Variants in SNX4 observed in about 807,000 individuals in gnomAD.
The protein encoded by SNX4 is sorting nexin 4, also known as sorting nexin-4.
Under a neutral mutation model 70.8 loss-of-function variants are expected in SNX4, and 49 were observed. That is an observed-to-expected ratio of 0.69 (90% confidence interval 0.55 to 0.88). The LOEUF (loss-of-function observed/expected upper bound fraction) is 0.88, where lower values mean the gene tolerates loss of function less well. SNX4 is among the 40% of genes least tolerant of loss of function. The pLI is 0.00. For synonymous variants in SNX4, 206 were observed against 183.8 expected (o/e 1.12, Z -0.98); for missense variants, 528 against 544.8 (o/e 0.97, Z 0.31).
chr3:125,508,577 A>G (rs900372410), intron 1 of SNX4, among the ~76,000 whole-genome samples: 1 of 152,172 alleles, frequency 6.6e-6, no homozygotes, highest in South Asian at 2.1e-4. Context: ...AAAAAAAAAA[A>G]AAAAGAAAAT....
intron 1 of SNX4, among the ~76,000 whole-genome samples, chr3:125,511,246 A>G (rs956303814): frequency 1.3e-5 from 2 of 152,244 alleles, no homozygotes; most frequent in Non-Finnish European, 2.9e-5. Context: ...GAATAAACAC[A>G]TTATAAAAAT....
chr3:125,479,625 C>T (rs1934360237), intron 7 of SNX4, among the ~76,000 whole-genome samples: 1 of 151,928 alleles, frequency 6.6e-6, no homozygotes, highest in African/African-American at 2.4e-5. Context: ...AAAATGTGAC[C>T]TTACCTGGTA....
chr3:125,448,516 ATAAC>A (rs370021542), intron 13 of SNX4, among the ~76,000 whole-genome samples: 1 of 152,140 alleles, frequency 6.6e-6, no homozygotes, highest in African/African-American at 2.4e-5. Context: ...TATCACTCTA[ATAAC>A]TAAAGTTTTG....
intron 6 of SNX4, among the ~76,000 whole-genome samples, chr3:125,481,067 C>G (rs1197097675): frequency 6.6e-6 from 1 of 152,194 alleles, no homozygotes; most frequent in African/African-American, 2.4e-5. Flanking sequence ...TCAATATCCA[C>G]CCCTTTTATA....
chr3:125,490,428 G>T (rs556456156), intron 5 of SNX4, among the ~76,000 whole-genome samples: 7 of 150,158 alleles, frequency 4.7e-5, no homozygotes, highest in East Asian at 4.0e-4. Flanking sequence ...AGAGGCTGAG[G>T]CAGGAGAATG....
rs550483600 is a variant in SNX4, at chr3:125,494,522, C to T, written c.597+2819G>A. On this transcript the variant is annotated intron_variant, in intron 5 of 13. Coordinates refer to ENST00000251775, the MANE Select transcript of SNX4 (RefSeq NM_003794.4). ...GTAAGCATATATGATTATGGTAATA[C>T]TCAGATAAGAAACTGTTTTAGATTC... Among the ~76,000 whole-genome samples, 4 of 152,292 alleles carry T rather than the reference C, an allele frequency of 2.6e-5. No homozygotes were observed. The East Asian group carries it at 5.8e-4, about 22-fold the overall frequency.
intron 11 of SNX4, among the ~76,000 whole-genome samples, chr3:125,454,529 C>T (rs761397158): frequency 2.6e-5 from 4 of 152,114 alleles, no homozygotes; most frequent in Non-Finnish European, 4.4e-5. Context: ...AAAAGGTTGG[C>T]GACTGCTGAT....
At chr3:125,448,669 CTTTTTTTT>C (rs921502028) in intron 13 of SNX4, among the ~76,000 whole-genome samples, 5 of 95,368 alleles carry the variant, frequency 5.2e-5, no homozygotes, top group African/African-American at 8.9e-5. Context: ...GGGTTTTTTC[CTTTTTTTT>C]TTTTTTTTTT....
chr3:125,463,332 G>T (rs373160255), intron 9 of SNX4, among the ~76,000 whole-genome samples: 1 of 152,176 alleles, frequency 6.6e-6, no homozygotes, highest in South Asian at 2.1e-4. Flanking sequence ...CTATGATTCT[G>T]GAAGAGTTAA....
intron 8 of SNX4, among the ~76,000 whole-genome samples, chr3:125,475,690 T>G (rs1383277317): frequency 6.6e-6 from 1 of 152,124 alleles, no homozygotes; most frequent in African/African-American, 2.4e-5. Flanking sequence ...TAATCCGAAG[T>G]AGGGGACCAG....
In SNX4 at chr3:125,493,435, C is replaced by T. The variant is rs1027409458; in HGVS notation, c.597+3906G>A. On this transcript the variant is annotated intron_variant, in intron 5 of 13. Coordinates refer to ENST00000251775, the MANE Select transcript of SNX4 (RefSeq NM_003794.4). ...TTGGGAGGCTGAGGCAGATGGATCA[C>T]GAGGTCAAGAGATCAAGACCATCCT... Among the ~76,000 whole-genome samples the T allele has an allele frequency of 5.6e-4, 85 of 151,654 alleles. 1 individual carries two copies. Among genetic ancestry groups the T allele is most frequent in the South Asian group, 8.3e-4 (4 of 4,798 alleles).
At chr3:125,487,029 G>C (rs150498834) in intron 6 of SNX4, among the ~76,000 whole-genome samples, 3 of 152,136 alleles carry the variant, frequency 2.0e-5, no homozygotes, top group African/African-American at 7.2e-5. Context: ...AGTCTAGTTT[G>C]AGGAAAGATA....
intron 1 of SNX4, among the ~76,000 whole-genome samples, chr3:125,513,707 G>GA (rs1448295066): frequency 1.3e-5 from 2 of 152,174 alleles, no homozygotes; most frequent in Non-Finnish European, 2.9e-5. Flanking sequence ...AACATTCAGA[G>GA]AGTTAAGGAT....
intron 1 of SNX4, among the ~76,000 whole-genome samples, chr3:125,508,977 C>A (rs1214220681): frequency 6.6e-6 from 1 of 151,982 alleles, no homozygotes; most frequent in Non-Finnish European, 1.5e-5. Context: ...AAGGCACAGG[C>A]AGTAAAAGAA....
At chr3:125,503,535 T>G (rs1038024530) in intron 2 of SNX4, among the ~76,000 whole-genome samples, 10 of 152,190 alleles carry the variant, frequency 6.6e-5, no homozygotes, top group Non-Finnish European at 1.3e-4. Flanking sequence ...TTCCCTTTAT[T>G]CTTAATTTAC....
At chr3:125,475,281 T>C (rs1934266488) in intron 8 of SNX4, among the ~76,000 whole-genome samples, 2 of 152,246 alleles carry the variant, frequency 1.3e-5, no homozygotes, top group South Asian at 4.1e-4. Context: ...AAATAAATTA[T>C]AGCTGAATCA....
chr3:125,478,942 C>T (rs942262097), intron 7 of SNX4, among the ~76,000 whole-genome samples: 1 of 152,254 alleles, frequency 6.6e-6, no homozygotes, highest in Non-Finnish European at 1.5e-5. Context: ...TAATAATTCT[C>T]GCAGGTAACT....
intron 1 of SNX4, among the ~76,000 whole-genome samples, chr3:125,510,520 CG>C (rs1172944445): frequency 6.6e-6 from 1 of 152,062 alleles, no homozygotes; most frequent in African/African-American, 2.4e-5. Context: ...TGAGCCACCG[CG>C]CCCGGCTGAA....
intron 8 of SNX4, among the ~76,000 whole-genome samples, chr3:125,474,892 T>C (rs1934256982): frequency 6.6e-6 from 1 of 152,192 alleles, no homozygotes; most frequent in African/African-American, 2.4e-5. Context: ...AAATAAGCAT[T>C]GTTCCCAAGC....
Sources: allele counts gnomAD v4.1 joint callset (sites outside exome capture counted in the v4.1 genomes callset), GRCh38; gene constraint gnomAD v4.1.1; transcripts MANE v1.5; gene names NCBI Gene and HGNC (gene_info 2026-07-23, HGNC 2026-07-21).